PDGFRA: variants seen among roughly 807,000 people sequenced by gnomAD.
The protein encoded by PDGFRA is platelet-derived growth factor receptor alpha.
PDGFRA carries 25 observed loss-of-function variants against 121.5 expected under a neutral mutation model. That is an observed-to-expected ratio of 0.21 (90% CI 0.15 to 0.29). The LOEUF (loss-of-function observed/expected upper bound fraction) is 0.29. Ranked by LOEUF, PDGFRA falls within the 10% of genes least tolerant of loss-of-function variation. The pLI, the probability that PDGFRA is intolerant of heterozygous loss-of-function variation, is 1.00. For synonymous variants in PDGFRA, 463 were observed against 494.8 expected (o/e 0.94, Z 0.85); for missense variants, 1,008 against 1,345.1 (o/e 0.75, Z 3.92).
intron 22 of PDGFRA, among the ~76,000 whole-genome samples, chr4:54,291,616 A>G (rs754849993): frequency 2.6e-5 from 4 of 152,218 alleles, no homozygotes; most frequent in Non-Finnish European, 4.4e-5. Context: ...ATTATTAAAA[A>G]GTCAAAAAAT....
chr4:54,238,524 G>C (rs1187842407), intron 1 of PDGFRA, among the ~76,000 whole-genome samples: 3 of 152,158 alleles, frequency 2.0e-5, no homozygotes, highest in African/African-American at 4.8e-5. Context: ...GTTCATACCA[G>C]AGTGACTTCA....
At chr4:54,251,581 G>C (rs1722057418) in intron 1 of PDGFRA, among the ~76,000 whole-genome samples, 1 of 152,272 alleles carries the variant, frequency 6.6e-6, no homozygotes, top group Middle Eastern at 3.4e-3. Flanking sequence ...CTGCTTTAAG[G>C]GATCAAAGTT....
rs1207048636 is a variant in PDGFRA at position 54,270,564 on chromosome 4, G to A, written c.1122-69G>A. The A allele has an allele frequency of 6.0e-6, 5 of 840,040 alleles. No homozygotes were observed. The East Asian group carries it at 1.2e-4, about 20-fold the overall frequency. 52.0% of individuals were successfully genotyped at this position (840,040 alleles called of 1,614,324 possible). A position where few individuals can be genotyped will look rare whatever the true frequency, so the allele number is the denominator to read the frequency against. ...GTAAAAATAAAACTTAAATTGAAGA[G>A]TACAATTGTTTAAACAATTGGAACT... On this transcript the variant is annotated intron_variant, in intron 7 of 22. Transcript: ENST00000257290.
chr4:54,282,414 A>AAG (rs1252576450), intron 16 of PDGFRA, among the ~76,000 whole-genome samples: 1 of 151,974 alleles, frequency 6.6e-6, no homozygotes, highest in Non-Finnish European at 1.5e-5. Context: ...GAGAGAGAGA[A>AAG]AGAGAGAGGT....
At chr4:54,238,855 C>T (rs1560448035) in intron 1 of PDGFRA, among the ~76,000 whole-genome samples, 1 of 152,064 alleles carries the variant, frequency 6.6e-6, no homozygotes, top group Non-Finnish European at 1.5e-5. Context: ...GCCTATAGTC[C>T]CAGCTACTGG....
rs2110254265 is a variant in PDGFRA at position 54,263,942 on chromosome 4, T to C, written c.628+15T>C. On this transcript the variant is annotated intron_variant, in intron 4 of 22. Coordinates refer to ENST00000257290, the MANE Select transcript of PDGFRA (RefSeq NM_006206.6). ...TGCTTTAAAAGGTACTTGTATCATC[T>C]CCTTCCTTCTTTAAATAAGAGTAAC... The C allele has an allele frequency of 3.1e-6, 5 of 1,611,750 alleles. No individual in the cohort carries two copies. The South Asian group carries it at 4.4e-5, about 14-fold the overall frequency.
Position 54,296,712 on chromosome 4 carries a change from C to T in PDGFRA, c.*1440C>T, listed in dbSNP as rs1362378898. ...CTGGCTGTTCTGATCGGCCAGTTTT[C>T]GGAAACACTGACTTAGGTTTCAGGA... On this transcript the variant is annotated 3_prime_UTR_variant, in exon 23 of 23. Transcript: ENST00000257290. 3 of 232,576 alleles carry T rather than the reference C, an allele frequency of 1.3e-5. No individual in the cohort carries two copies. The highest frequency in any genetic ancestry group is 1.8e-4 in the South Asian group (1 of 5,520). 14.4% of individuals were successfully genotyped at this position (232,576 alleles called of 1,614,324 possible).
intron 16 of PDGFRA, chr4:54,280,734 G>T (rs958215967): frequency 3.4e-5 from 11 of 322,028 alleles, no homozygotes; most frequent in East Asian, 1.0e-4. Context: ...GAATTTTCTT[G>T]GTGTGTTCCT....
intron 2 of PDGFRA, among the ~76,000 whole-genome samples, chr4:54,260,778 C>G (rs558907314): frequency 6.6e-6 from 1 of 152,022 alleles, no homozygotes; most frequent in East Asian, 1.9e-4. Flanking sequence ...TGTGCTTGAG[C>G]CCGTGCCATC....
At chr4:54,265,171 A>AGAGGTGGGAAG in intron 5 of PDGFRA, 122 bp downstream of exon 5, 3 of 903,456 alleles carry the variant, frequency 3.3e-6, no homozygotes, top group Non-Finnish European at 3.7e-6. Flanking sequence ...TTAGCTTCCC[A>AGAGGTGGGAAG]CCTCTGGGAT....
intron 15 of PDGFRA, 63 bp downstream of exon 15, chr4:54,278,578 C>A (rs1226913832): frequency 6.6e-7 from 1 of 1,506,964 alleles, no homozygotes; most frequent in Non-Finnish European, 9.2e-7. Context: ...ATGGAAAGAC[C>A]CATGTCCTGA....
intron 19 of PDGFRA, 124 bp from the exon 20 acceptor site, chr4:54,288,675 G>GA (rs749236041): frequency 4.9e-5 from 36 of 738,860 alleles, no homozygotes; most frequent in Admixed American, 1.2e-4. Flanking sequence ...GAATTTTCTT[G>GA]AAAAAACCAG....
intron 7 of PDGFRA, among the ~76,000 whole-genome samples, chr4:54,268,675 A>G (rs1210544467): frequency 3.4e-5 from 5 of 147,870 alleles, no homozygotes; most frequent in African/African-American, 1.2e-4. Flanking sequence ...TACAGCCTCT[A>G]TAGAATAGTA....
chr4:54,255,636 G>T (rs1722322614), intron 1 of PDGFRA, among the ~76,000 whole-genome samples: 1 of 151,604 alleles, frequency 6.6e-6, no homozygotes, highest in Admixed American at 6.6e-5. Flanking sequence ...CTCCTGAGTA[G>T]CGGGGACTAC....
chr4:54,250,253 T>C (rs1462294897), intron 1 of PDGFRA, among the ~76,000 whole-genome samples: 3 of 152,240 alleles, frequency 2.0e-5, no homozygotes, highest in Non-Finnish European at 4.4e-5. Flanking sequence ...AAATAAATGC[T>C]TTATGGTGAC....
chr4:54,294,705 G>A (rs1330546263), intron 22 of PDGFRA, among the ~76,000 whole-genome samples: 5 of 152,160 alleles, frequency 3.3e-5, no homozygotes, highest in Non-Finnish European at 7.3e-5. Flanking sequence ...AGGAGATCCT[G>A]AGAACACAGT....
At chr4:54,255,801 T>C (rs560250108) in intron 1 of PDGFRA, among the ~76,000 whole-genome samples, 1 of 151,906 alleles carries the variant, frequency 6.6e-6, no homozygotes, top group South Asian at 2.1e-4. Context: ...CACTGCGCCC[T>C]TCCCTCCTTT....
intron 1 of PDGFRA, among the ~76,000 whole-genome samples, chr4:54,247,704 G>A (rs1175421069): frequency 6.6e-6 from 1 of 152,144 alleles, no homozygotes; most frequent in Non-Finnish European, 1.5e-5. Flanking sequence ...TCAACATAGT[G>A]TTGGACGTTC....
intron 1 of PDGFRA, among the ~76,000 whole-genome samples, chr4:54,234,560 T>C (rs1720904375): frequency 6.6e-6 from 1 of 152,248 alleles, no homozygotes; most frequent in Non-Finnish European, 1.5e-5. Flanking sequence ...GGTGACTGAT[T>C]TTCTTTTGCT....
Sources: gnomAD v4.1 joint callset for allele counts (sites outside exome capture counted in the v4.1 genomes callset) on GRCh38, gnomAD v4.1.1 for gene constraint, MANE v1.5 for transcripts, NCBI Gene and HGNC (gene_info 2026-07-23, HGNC 2026-07-21) for gene names.